PHB1: variants seen among roughly 807,000 people sequenced by gnomAD.
The protein encoded by PHB1 is prohibitin 1, also known as epididymis luminal protein 215.
chr17:49,413,086 G>T, the PHB1 span: 232 of 907,074 alleles, frequency 2.6e-4, no homozygotes, highest in Non-Finnish European at 3.8e-4. Flanking sequence ...TTCACTGACG[G>T]CAGCTACCAT....
At chr17:49,413,344 AGGCCCTCTC>A in the PHB1 span, 1 of 974,062 alleles carries the variant, frequency 1.0e-6, no homozygotes, top group Admixed American at 2.0e-5. Flanking sequence ...TCCTCAGAGA[AGGCCCTCTC>A]TGACACACAA....
chr17:49,408,821 C>G, the PHB1 span: 1 of 531,074 alleles, frequency 1.9e-6, no homozygotes, highest in African/African-American at 1.9e-5. Flanking sequence ...TGGATACAAC[C>G]AGAGGTCATA....
At chr17:49,414,157 T>G in the PHB1 span, 9 of 151,888 alleles carry the variant, frequency 5.9e-5, no homozygotes, top group African/African-American at 2.2e-4. Flanking sequence ...CACAGAGAGG[T>G]TACATGAGAA....
the PHB1 span, among the ~76,000 whole-genome samples, chr17:49,406,035 T>C: frequency 1.3e-5 from 2 of 152,286 alleles, no homozygotes; most frequent in East Asian, 3.9e-4. Flanking sequence ...GACTGGGCCC[T>C]GCGTCTATTT....
chr17:49,411,608 C>T, the PHB1 span: 18 of 1,347,190 alleles, frequency 1.3e-5, no homozygotes, highest in Admixed American at 1.9e-4. Context: ...CACAGATGCT[C>T]CTGTGACACA....
At chr17:49,406,633 G>T in the PHB1 span, 5 of 728,110 alleles carry the variant, frequency 6.9e-6, no homozygotes, top group African/African-American at 6.9e-5. Context: ...ATTCCTTCAA[G>T]CCCCTTCTGA....
At chr17:49,408,282 C>G in the PHB1 span, among the ~76,000 whole-genome samples, 61 of 152,252 alleles carry the variant, frequency 4.0e-4, no homozygotes, top group African/African-American at 1.5e-3. Flanking sequence ...GCACAGATGC[C>G]GGGGGAGGCA....
chr17:49,408,871 C>T, the PHB1 span: 4 of 585,296 alleles, frequency 6.8e-6, no homozygotes, highest in Non-Finnish European at 9.2e-6. Context: ...AAAGAACCCT[C>T]AACTGAAAAA....
chr17:49,411,633 C>T, the PHB1 span: 1 of 1,561,568 alleles, frequency 6.4e-7, no homozygotes, highest in Non-Finnish European at 8.8e-7. Context: ...AACAGAGCAC[C>T]TCTTCCACAC....
At chr17:49,413,132 A>C in the PHB1 span, 1 of 1,405,534 alleles carries the variant, frequency 7.1e-7, no homozygotes. Context: ...ACCAACAGAA[A>C]ACTCCTAGGA....
chr17:49,405,597 A>G, the PHB1 span, among the ~76,000 whole-genome samples: 22 of 152,178 alleles, frequency 1.4e-4, no homozygotes, highest in African/African-American at 5.3e-4. Context: ...TCCAGCCTTA[A>G]GTCTAAAGGA....
At chr17:49,405,318 G>C in the PHB1 span, 1 of 834,442 alleles carries the variant, frequency 1.2e-6, no homozygotes, top group Non-Finnish European at 1.9e-6. Flanking sequence ...GGAACTCGGG[G>C]AGTTTACTTC....
the PHB1 span, chr17:49,404,885 A>G: frequency 1.4e-6 from 1 of 736,912 alleles, no homozygotes; most frequent in Non-Finnish European, 2.3e-6. Flanking sequence ...TAAGCCAATC[A>G]TGAAATTTCA....
At chr17:49,404,695 T>C in the PHB1 span, 1 of 434,732 alleles carries the variant, frequency 2.3e-6, no homozygotes, top group Non-Finnish European at 4.3e-6. Flanking sequence ...CAAATGCTGG[T>C]GCCCAGGCCG....
chr17:49,407,644 T>C, the PHB1 span, among the ~76,000 whole-genome samples: 1 of 152,200 alleles, frequency 6.6e-6, no homozygotes, highest in East Asian at 1.9e-4. Flanking sequence ...CTAATTTTTA[T>C]TGAAAAAGAA....
chr17:49,406,846 C>G, the PHB1 span: 9 of 1,612,740 alleles, frequency 5.6e-6, no homozygotes, highest in East Asian at 1.8e-4. Flanking sequence ...TCCCGAAGGT[C>G]AGATGTGTCT....
the PHB1 span, among the ~76,000 whole-genome samples, chr17:49,408,539 CT>C: frequency 6.6e-6 from 1 of 152,352 alleles, no homozygotes; most frequent in East Asian, 1.9e-4. Flanking sequence ...CCCTTGCCCC[CT>C]ATACCAGGCC....
chr17:49,410,648 G>A, the PHB1 span, among the ~76,000 whole-genome samples: 3,014 of 152,214 alleles, frequency 0.02, 102 homozygotes, highest in African/African-American at 0.068. Flanking sequence ...GGTTAGTTCG[G>A]GTCTGGTGGA....
chr17:49,411,674 T>C, the PHB1 span: 1 of 1,613,530 alleles, frequency 6.2e-7, no homozygotes. Flanking sequence ...TAGGCAAGAC[T>C]CACCTTTGCT....
Sources: gnomAD v4.1 joint callset for allele counts (sites outside exome capture counted in the v4.1 genomes callset) on GRCh38, gnomAD v4.1.1 for gene constraint, MANE v1.5 for transcripts, NCBI Gene and HGNC (gene_info 2026-07-23, HGNC 2026-07-21) for gene names.